MGST1: variants seen among roughly 807,000 people sequenced by gnomAD.
MGST1 encodes the protein microsomal glutathione S-transferase 1.
MGST1 carries 5 observed loss-of-function variants against 8.9 expected under a neutral mutation model. That is an observed-to-expected ratio of 0.56 (90% CI 0.29 to 1.19). MGST1 has a LOEUF of 1.19. Among genes scored for constraint, MGST1 ranks in the 50% most tolerant of loss-of-function variants. The pLI is 0.08. For missense variants in MGST1, 182 were observed against 187.4 expected (o/e 0.97, Z 0.17); for synonymous variants, 54 against 67.8 (o/e 0.80, Z 1.00).
At chr12:16,570,804 C>CACTT (rs1942789242) in intron 4 of MGST1, among the ~76,000 whole-genome samples, 2 of 152,274 alleles carry the variant, frequency 1.3e-5, no homozygotes, top group Admixed American at 1.3e-4. Context: ...GTTATCAAAT[C>CACTT]ACTTACCTTG....
chr12:16,569,401 T>C (rs1311078158), intron 4 of MGST1, among the ~76,000 whole-genome samples: 1 of 152,208 alleles, frequency 6.6e-6, no homozygotes, highest in Admixed American at 6.5e-5. Context: ...AGAATCATCA[T>C]GTCTCTTTCT....
At chr12:16,507,691 A>G (rs542213416) in intron 4 of MGST1, among the ~76,000 whole-genome samples, 262 of 152,262 alleles carry the variant, frequency 1.7e-3, no homozygotes, top group Non-Finnish European at 3.2e-3. Flanking sequence ...ACATCTTTAC[A>G]TGGGAGCAGG....
intron 1 of MGST1, among the ~76,000 whole-genome samples, chr12:16,420,669 TC>T (rs976101360): frequency 1.3e-5 from 2 of 152,112 alleles, no homozygotes; most frequent in African/African-American, 4.8e-5. Flanking sequence ...AGACCTTTCT[TC>T]CTATTCATCT....
chr12:16,578,900 T>C (rs1391939168), intron 4 of MGST1, among the ~76,000 whole-genome samples: 1 of 152,080 alleles, frequency 6.6e-6, no homozygotes, highest in Admixed American at 6.6e-5. Flanking sequence ...GGAGAAATAA[T>C]TCATGGTTCT....
At chr12:16,538,512 A>G (rs1452564679) in intron 4 of MGST1, among the ~76,000 whole-genome samples, 1 of 152,126 alleles carries the variant, frequency 6.6e-6, no homozygotes, top group Non-Finnish European at 1.5e-5. Context: ...TGATAAACAC[A>G]TACCTGAGAC....
intron 4 of MGST1, chr12:16,551,422 T>C: frequency 1.4e-6 from 1 of 732,572 alleles, no homozygotes; most frequent in Non-Finnish European, 2.3e-6. Flanking sequence ...TTTCGCATGG[T>C]AATTCCCTGA....
chr12:16,475,951 G>A (rs963276179), intron 4 of MGST1, among the ~76,000 whole-genome samples: 5 of 149,412 alleles, frequency 3.3e-5, no homozygotes, highest in Non-Finnish European at 5.9e-5. Flanking sequence ...AAGAGTTAGC[G>A]TCTGAAAAGA....
intron 1 of MGST1, among the ~76,000 whole-genome samples, chr12:16,430,270 G>A (rs535593145): frequency 6.6e-6 from 1 of 152,258 alleles, no homozygotes; most frequent in South Asian, 2.1e-4. Flanking sequence ...CATCCATGAG[G>A]TTTGGAAGCA....
chr12:16,367,557 C>T (rs763583968), downstream of MGST1: 4 of 152,214 alleles, frequency 2.6e-5, no homozygotes, highest in Non-Finnish European at 5.9e-5. Context: ...CTAAAGATCC[C>T]AGAGTCACTC....
rs568144815 is a variant in MGST1, at chr12:16,347,830, C to T, written c.-23+120C>T. On this transcript the variant is annotated intron_variant, in intron 1 of 3. Transcript: ENST00000396210. This position sits in a 1 kb window ranked among gnomAD's most constrained non-coding sequence, Gnocchi z 4.0. Reference sequence around the variant, plus strand: ...TGCCAGCTGGAAGTGCTTGGCTCCACTTAGCAGCTAAACTTAGCTTTTCAA... The same window carrying T: ...TGCCAGCTGGAAGTGCTTGGCTCCATTTAGCAGCTAAACTTAGCTTTTCAA... The T allele has an allele frequency of 1.3e-5, 2 of 152,412 alleles. No homozygotes were observed. Among genetic ancestry groups the T allele is most frequent in the African/African-American group, 4.8e-5 (2 of 41,580 alleles). 9.4% of individuals were successfully genotyped at this position (152,412 alleles called of 1,614,324 possible). A position where few individuals can be genotyped will look rare whatever the true frequency, so the allele number is the denominator to read the frequency against.
In MGST1 at chr12:16,584,489, A is replaced by G. The variant is rs919206397; in HGVS notation, n.483-5039A>G. Among the ~76,000 whole-genome samples the G allele has an allele frequency of 6.6e-6, 1 of 152,194 alleles. No homozygotes were observed. The highest frequency in any genetic ancestry group is 6.6e-5 in the Admixed American group (1 of 15,266). On this transcript the variant is annotated intron_variant and non_coding_transcript_variant, in intron 4 of 4. Transcript: ENST00000538857. This position sits in a 1 kb window ranked among gnomAD's most constrained non-coding sequence, Gnocchi z 5.2. ...TGAGGTTTCTGGAGGACCCAGTGGAAAAGTGTTGAGTGAACGTAACAGCAG... is the reference window on the plus strand; with the variant it reads ...TGAGGTTTCTGGAGGACCCAGTGGAGAAGTGTTGAGTGAACGTAACAGCAG...
chr12:16,565,589 A>T (rs1329966741), intron 4 of MGST1, among the ~76,000 whole-genome samples: 1 of 152,210 alleles, frequency 6.6e-6, no homozygotes, highest in Non-Finnish European at 1.5e-5. Context: ...TAGAATGTAC[A>T]TATAAAAATA....
At position 16,401,490 on chromosome 12, in the gene MGST1, C is replaced by G. The variant is rs1414137970; in HGVS notation, n.778+17886C>G. The G allele has an allele frequency of 1.2e-5, 10 of 844,006 alleles. No homozygotes were observed. Among genetic ancestry groups the G allele is most frequent in the Non-Finnish European group, 2.0e-5 (10 of 492,276 alleles). 52.3% of individuals were successfully genotyped at this position (844,006 alleles called of 1,614,324 possible). On this transcript the variant is annotated intron_variant and non_coding_transcript_variant, in intron 1 of 1. Coordinates refer to the MGST1 transcript ENST00000359720. The surrounding 1 kb of genome is among the most constrained non-coding windows in gnomAD (Gnocchi z 4.3). ...CACCATGTCTTAATTCCTTCAGCAG[C>G]TCTTCTTGAAGCTGGAGTAAAAAGT... is the stretch of plus-strand genomic sequence containing the variant.
At chr12:16,463,114 C>G (rs1379810921) in intron 4 of MGST1, among the ~76,000 whole-genome samples, 5 of 152,114 alleles carry the variant, frequency 3.3e-5, no homozygotes, top group African/African-American at 1.2e-4. Context: ...TCTTAAAAAA[C>G]TAAGCAAAAG....
chr12:16,372,475 G>A (rs1940310592), intron 3 of MGST1, among the ~76,000 whole-genome samples: 3 of 152,016 alleles, frequency 2.0e-5, no homozygotes, highest in African/African-American at 7.2e-5. Context: ...AAACCACAAT[G>A]TGGTATCATC....
At chr12:16,441,643 G>A (rs547221028), downstream of MGST1, among the ~76,000 whole-genome samples, 77 of 151,700 alleles carry the variant, frequency 5.1e-4, no homozygotes, top group African/African-American at 1.7e-3. Context: ...AGTGTCCTCC[G>A]TGTCTTTTCA....
chr12:16,465,430 G>A (rs916088735), intron 4 of MGST1, among the ~76,000 whole-genome samples: 1 of 152,278 alleles, frequency 6.6e-6, no homozygotes, highest in East Asian at 1.9e-4. Flanking sequence ...CTGGTCCATG[G>A]CCTGTTAGGA....
intron 4 of MGST1, among the ~76,000 whole-genome samples, chr12:16,552,376 G>A (rs959851451): frequency 6.6e-6 from 1 of 152,036 alleles, no homozygotes; most frequent in Non-Finnish European, 1.5e-5. Flanking sequence ...TTCAAATGAT[G>A]TTCCAGCAGA....
chr12:16,548,410 T>C lies in MGST1; in HGVS notation n.483-41118T>C, dbSNP rs1054064238. On this transcript the variant is annotated intron_variant and non_coding_transcript_variant, in intron 4 of 4. Transcript: ENST00000538857. This position sits in a 1 kb window ranked among gnomAD's most constrained non-coding sequence, Gnocchi z 4.2. ...CTTTTATTAAAAACATAAATCCAAA[T>C]GTAAAAAAGTGAATGAAAGAATCCA... The C allele has an allele frequency of 6.6e-6, 1 of 152,026 alleles. No homozygotes were observed. Among genetic ancestry groups the C allele is most frequent in the Non-Finnish European group, 1.5e-5 (1 of 67,994 alleles). The allele number at this position is 152,026 out of a possible 1,614,324, so 9.4% of individuals were successfully genotyped here.
Sources: gnomAD v4.1 joint callset for allele counts (sites outside exome capture counted in the v4.1 genomes callset) on GRCh38, gnomAD v4.1.1 for gene constraint, Gnocchi (gnomAD v3.1) non-coding constraint, MANE v1.5 for transcripts, NCBI Gene and HGNC (gene_info 2026-07-23, HGNC 2026-07-21) for gene names.